Variants in CDK10 observed in about 807,000 individuals in gnomAD.
CDK10 encodes cyclin dependent kinase 10, also known as cyclin-dependent kinase 10.
In CDK10, 55 loss-of-function variants were observed where a neutral mutation model predicts 51.0. That is an observed-to-expected ratio of 1.08 (90% confidence interval 0.87 to 1.35). The LOEUF is 1.35. CDK10 is among the 40% of genes most tolerant of loss of function. The probability of loss-of-function intolerance (pLI) is 0.00; values close to 1 mark genes in which losing one functional copy is unlikely to be tolerated. For synonymous variants in CDK10, 255 were observed against 199.1 expected (o/e 1.28, Z -2.36); for missense variants, 589 against 485.1 (o/e 1.21, Z -2.01).
At chr16:89,692,196 G>C (rs2060483708) in intron 5 of CDK10, 2 of 554,546 alleles carry the variant, frequency 3.6e-6, no homozygotes, top group South Asian at 2.3e-5. Context: ...GGGAGCCCTG[G>C]GCGGAGAGCC....
In CDK10 at chr16:89,695,851, AC is replaced by A; in HGVS notation, c.*162del. On this transcript the variant is annotated 3_prime_UTR_variant, in exon 13 of 13. Coordinates refer to ENST00000353379, the MANE Select transcript of CDK10 (RefSeq NM_052988.5). ...GACTTCCTCCCACTGTCTGCCCTGA[AC>A]CCACTGCTGCCCCCAGAAAAAGGCC... is the stretch of plus-strand genomic sequence containing the variant. 1 of 1,495,152 alleles carries A rather than the reference AC, an allele frequency of 6.7e-7. No homozygotes were observed. The highest frequency in any genetic ancestry group is 9.0e-7 in the Non-Finnish European group (1 of 1,108,548). 92.6% of individuals were successfully genotyped at this position (1,495,152 alleles called of 1,614,324 possible). A position where few individuals can be genotyped will look rare whatever the true frequency, so the allele number is the denominator to read the frequency against.
rs551214556 is a variant in CDK10, at chr16:89,695,286, C to T, written c.933-7C>T. On this transcript the variant is annotated splice_polypyrimidine_tract_variant and splice_region_variant and intron_variant, in intron 11 of 12. Transcript: ENST00000353379. ...CAAGTCGCACTAACGCAGGCTGCCT[C>T]CTCCAGGGCGACGGCCGGGGACTGC... 3.1e-6 allele frequency: 5 copies of T among 1,609,488 alleles called. No individual in the cohort carries two copies. In the South Asian group the frequency reaches 5.5e-5, roughly 18 times the overall value.
Position 89,686,708 on chromosome 16 carries a change from G to C in CDK10, c.-3G>C, listed in dbSNP as rs1041873954. The stretch of plus-strand genomic sequence containing the variant: ...CGCAAGAGAGGCGGGGCCAGCGCTC[G>C]GCATGGCGGAGCCAGATCTGGAGTG... On this transcript the variant is annotated 5_prime_UTR_variant, in exon 1 of 13. Coordinates refer to ENST00000353379, the MANE Select transcript of CDK10 (RefSeq NM_052988.5). 2 of 1,591,052 alleles carry C rather than the reference G, an allele frequency of 1.3e-6. No individual in the cohort carries two copies. Among genetic ancestry groups the C allele is most frequent in the Non-Finnish European group, 1.7e-6 (2 of 1,170,090 alleles).
chr16:89,693,389 C>G lies in CDK10; in HGVS notation c.539-9C>G, dbSNP rs371380436. 5.8e-5 allele frequency: 94 copies of G among 1,614,080 alleles called. 5 individuals are homozygous for G. The highest frequency in any genetic ancestry group is 1.1e-5 in the South Asian group (1 of 91,084). ...CACTTGGTGACACACACTCCCCTCT[C>G]TGCTGCAGCGGATTTCGGCCTGGCC... On this transcript the variant is annotated splice_polypyrimidine_tract_variant and intron_variant, in intron 7 of 12. Coordinates refer to ENST00000353379, the MANE Select transcript of CDK10 (RefSeq NM_052988.5).
chr16:89,696,086 C>T lies in CDK10; in HGVS notation c.*394C>T, dbSNP rs954005227. ...GGGATGAGAGGGCCCAGAAGACCTT[C>T]GTATCCCCTCTCAGTCGCCCGGGGC... On this transcript the variant is annotated 3_prime_UTR_variant, in exon 13 of 13. Transcript: ENST00000353379. The T allele has an allele frequency of 3.1e-5, 16 of 524,142 alleles. No homozygotes were observed. The highest frequency in any genetic ancestry group is 1.7e-4 in the South Asian group (8 of 48,234). 32.5% of individuals were successfully genotyped at this position (524,142 alleles called of 1,614,324 possible).
At position 89,696,190 on chromosome 16, in the gene CDK10, T is replaced by C; in HGVS notation, c.*498T>C. 1 of 320,086 alleles carries C rather than the reference T, an allele frequency of 3.1e-6. No homozygotes were observed. Among genetic ancestry groups the C allele is most frequent in the Non-Finnish European group, 6.0e-6 (1 of 167,134 alleles). The allele number at this position is 320,086 out of a possible 1,614,324, so 19.8% of individuals were successfully genotyped here. On this transcript the variant is annotated 3_prime_UTR_variant, in exon 13 of 13. Coordinates refer to ENST00000353379, the MANE Select transcript of CDK10 (RefSeq NM_052988.5). ...AGATGAGGACAAGAGGGACAAGGTA[T>C]GGGGTGGGAGCCACAATTGAGGATA...
rs999632277 is a variant in CDK10, at chr16:89,692,634, G to C, written c.485+118G>C. On this transcript the variant is annotated intron_variant, in intron 6 of 12. Coordinates refer to ENST00000353379, the MANE Select transcript of CDK10 (RefSeq NM_052988.5). ...AGCTGCAGCAGCCTGCCCGCTGCTCGCACTCCATTTGTGTTTTTTTCTAAA... is the reference window on the plus strand; with the variant it reads ...AGCTGCAGCAGCCTGCCCGCTGCTCCCACTCCATTTGTGTTTTTTTCTAAA... 13 of 636,584 alleles carry C rather than the reference G, an allele frequency of 2.0e-5. No individual in the cohort carries two copies. In the Admixed American group the frequency reaches 4.5e-4, roughly 22 times the overall value. The allele number at this position is 636,584 out of a possible 1,614,324, so 39.4% of individuals were successfully genotyped here.
chr16:89,694,602 T>A, intron 9 of CDK10, 63 bp from the exon 10 acceptor site: 2 of 1,550,356 alleles, frequency 1.3e-6, no homozygotes, highest in Non-Finnish European at 1.7e-6. Context: ...TCAGGTCCTC[T>A]GTTCCTCGCG....
Position 89,695,790 on chromosome 16 carries a change from TC to T in CDK10, c.*100del. On this transcript the variant is annotated 3_prime_UTR_variant, in exon 13 of 13. Coordinates refer to ENST00000353379, the MANE Select transcript of CDK10 (RefSeq NM_052988.5). Reference sequence around the variant, plus strand: ...AGCCAGGCTGACCAGGCGCCCGGGATCCAGCTCATCCCCTTGGCTGGGAACA... The same window carrying T: ...AGCCAGGCTGACCAGGCGCCCGGGATCAGCTCATCCCCTTGGCTGGGAACA... 2 of 1,570,520 alleles carry T rather than the reference TC, an allele frequency of 1.3e-6. No individual in the cohort carries two copies. The highest frequency in any genetic ancestry group is 1.7e-6 in the Non-Finnish European group (2 of 1,161,474).
chr16:89,692,878 C>T (rs970355297), intron 6 of CDK10, among the ~76,000 whole-genome samples: 1 of 130,484 alleles, frequency 7.7e-6, no homozygotes, highest in African/African-American at 3.4e-5. Flanking sequence ...TGGCTCACGC[C>T]TGTGATCCCA....
chr16:89,687,677 C>T (rs1172671793), intron 1 of CDK10: 3 of 439,098 alleles, frequency 6.8e-6, no homozygotes, highest in African/African-American at 2.0e-5. Flanking sequence ...GATCTTCCTG[C>T]CTCGGCCTCC....
At position 89,693,276 on chromosome 16, in the gene CDK10, A is replaced by C; in HGVS notation, c.488A>C (p.Asp163Ala). 1 of 1,614,086 alleles carries C rather than the reference A, an allele frequency of 6.2e-7. No individual in the cohort carries two copies. ...CTGCCACTGTTTTTCCATCACAGGG[A>C]CCTGAAGGTTTCCAACTTGCTCATG... ...YLHRNFIIHR[D>A]LKVSNLLMTD... The change falls in exon 7 of 13, where the codon GAC (aspartate) becomes GCC (alanine). Residue 163 changes from aspartate (D) to alanine (A), a missense_variant and splice_region_variant. By Grantham distance (126) the Asp-to-Ala change is moderately radical. Coordinates refer to ENST00000353379, the MANE Select transcript of CDK10 (RefSeq NM_052988.5).
At chr16:89,693,494 C>A (rs757964939) in intron 8 of CDK10, 27 bp downstream of exon 8, 1 of 1,611,056 alleles carries the variant, frequency 6.2e-7, no homozygotes, top group South Asian at 1.1e-5. Flanking sequence ...CATGGTGGCC[C>A]CTGGGGACCA....
intron 4 of CDK10, 49 bp from the exon 5 acceptor site, chr16:89,691,757 C>A: frequency 6.4e-7 from 1 of 1,560,540 alleles, no homozygotes; most frequent in Non-Finnish European, 8.8e-7. Flanking sequence ...TCCACTTCCA[C>A]CCCTTAGGAG....
chr16:89,694,424 TCAGG>T lies in CDK10; in HGVS notation c.668+194_668+197del, dbSNP rs1293884197. Reference sequence around the variant, plus strand: ...GGTGTGAGAACTTAGCTTGCTGTTCTCAGGCTGGGAGCACAGAGGTCTGGAGGAG... The same window carrying T: ...GGTGTGAGAACTTAGCTTGCTGTTCTCTGGGAGCACAGAGGTCTGGAGGAG... On this transcript the variant is annotated intron_variant, in intron 9 of 12. Coordinates refer to ENST00000353379, the MANE Select transcript of CDK10 (RefSeq NM_052988.5). 3.5e-6 allele frequency: 3 copies of T among 853,922 alleles called. No individual in the cohort carries two copies. The East Asian group carries it at 8.0e-5, about 23-fold the overall frequency. 52.9% of individuals were successfully genotyped at this position (853,922 alleles called of 1,614,324 possible).
intron 1 of CDK10, among the ~76,000 whole-genome samples, chr16:89,688,247 A>G (rs2060288893): frequency 6.6e-6 from 1 of 151,814 alleles, no homozygotes. Context: ...ACGCCCAGCT[A>G]ATTTTTTCAT....
At chr16:89,686,900 C>A in intron 1 of CDK10, 103 bp downstream of exon 1, 1 of 1,017,240 alleles carries the variant, frequency 9.8e-7, no homozygotes, top group Non-Finnish European at 1.4e-6. Context: ...AGGCTTCCGG[C>A]ACGGGCGGGA....
chr16:89,693,243 G>A (rs748775468), intron 6 of CDK10, 31 bp from the exon 7 acceptor site: 2 of 1,612,266 alleles, frequency 1.2e-6, no homozygotes, highest in East Asian at 2.2e-5. Flanking sequence ...TGGCCCTCTG[G>A]GAGCCACCTG....
chr16:89,688,776 G>T (rs557204634), intron 1 of CDK10, among the ~76,000 whole-genome samples: 1 of 152,272 alleles, frequency 6.6e-6, no homozygotes, highest in African/African-American at 2.4e-5. Flanking sequence ...CAAAGCATTG[G>T]CCCAGTATCG....
Sources: allele counts gnomAD v4.1 joint callset (sites outside exome capture counted in the v4.1 genomes callset), GRCh38; gene constraint gnomAD v4.1.1; transcripts MANE v1.5; gene names NCBI Gene and HGNC (gene_info 2026-07-23, HGNC 2026-07-21).